The following SBNO1 variants were observed in gnomAD, a reference collection of about 807,000 sequenced individuals.
SBNO1 encodes protein strawberry notch homolog 1.
SBNO1 carries 23 observed loss-of-function variants against 173.6 expected under a neutral mutation model. That is an observed-to-expected ratio of 0.13 (90% CI 0.10 to 0.19). The LOEUF is 0.19. SBNO1 is among the 10% of genes least tolerant of loss of function. The pLI, the probability that SBNO1 is intolerant of heterozygous loss-of-function variation, is 1.00. For synonymous variants in SBNO1, 632 were observed against 571.5 expected, an observed-to-expected ratio of 1.11 and a Z score of -1.51; for missense variants, 1,238 against 1,671.2, an observed-to-expected ratio of 0.74 and a Z score of 4.52.
intron 3 of SBNO1, among the ~76,000 whole-genome samples, chr12:123,346,187 AG>A (rs1042483322): frequency 2.0e-5 from 3 of 152,202 alleles, no homozygotes; most frequent in Non-Finnish European, 4.4e-5. Context: ...AGGGTGACAC[AG>A]GAGGTTCACT....
intron 5 of SBNO1, among the ~76,000 whole-genome samples, chr12:123,339,231 A>G (rs764429753): frequency 1.4e-4 from 22 of 152,192 alleles, no homozygotes; most frequent in Non-Finnish European, 1.6e-4. Flanking sequence ...ACCAAGTCCC[A>G]AAATTCTTTT....
intron 3 of SBNO1, among the ~76,000 whole-genome samples, chr12:123,347,118 G>T (rs1415153802): frequency 6.6e-6 from 1 of 151,080 alleles, no homozygotes; most frequent in Non-Finnish European, 1.5e-5. Flanking sequence ...GAAATGTGTC[G>T]CAAAGTAGGA....
intron 30 of SBNO1, among the ~76,000 whole-genome samples, chr12:123,299,689 A>AAAAC (rs898264452): frequency 6.0e-5 from 9 of 150,646 alleles, no homozygotes; most frequent in Non-Finnish European, 1.3e-4. Flanking sequence ...TTCAAAAAAA[A>AAAAC]AAAAAAAAAA....
At chr12:123,364,068 G>C (rs531742991) in intron 1 of SBNO1, 1 of 985,354 alleles carries the variant, frequency 1.0e-6, no homozygotes, top group African/African-American at 1.7e-5. Context: ...TGGGAGGTGA[G>C]CTCGCCCGCC....
At position 123,291,397 on chromosome 12, in the gene SBNO1, G is replaced by A. The variant is rs2048508847; in HGVS notation, c.*4511C>T. 6.6e-6 allele frequency: 1 copy of A among 152,088 alleles called. No individual in the cohort carries two copies. Among genetic ancestry groups the A allele is most frequent in the African/African-American group, 2.4e-5 (1 of 41,412 alleles). The allele number at this position is 152,088 out of a possible 1,614,324, so 9.4% of individuals were successfully genotyped here. On this transcript the variant is annotated 3_prime_UTR_variant, in exon 32 of 32. Transcript: ENST00000602398. ...TCCCAAATGCACTGAAGAAGTTAGA[G>A]GAGCTTAAAGAAGTCTCAGGAAGCA...
intron 1 of SBNO1, among the ~76,000 whole-genome samples, chr12:123,356,499 G>A (rs575371714): frequency 2.6e-5 from 4 of 152,274 alleles, no homozygotes; most frequent in African/African-American, 9.6e-5. Context: ...GCAATGGCAC[G>A]ATCTCAGCTC....
At chr12:123,356,831 G>C (rs1398878459) in intron 1 of SBNO1, among the ~76,000 whole-genome samples, 1 of 152,168 alleles carries the variant, frequency 6.6e-6, no homozygotes, top group African/African-American at 2.4e-5. Context: ...ACTAAATTTA[G>C]AATAAACTGG....
chr12:123,338,937 T>C (rs1022873519), intron 5 of SBNO1, among the ~76,000 whole-genome samples: 2 of 125,200 alleles, frequency 1.6e-5, no homozygotes, highest in South Asian at 2.6e-4. Context: ...CCCGACTAGT[T>C]TGGTTGATGG....
intron 3 of SBNO1, among the ~76,000 whole-genome samples, chr12:123,347,284 C>A (rs920080064): frequency 6.8e-6 from 1 of 147,246 alleles, no homozygotes; most frequent in Non-Finnish European, 1.5e-5. Context: ...TGGAGTGCAG[C>A]GGTCCCATCT....
intron 30 of SBNO1, 60 bp from the exon 31 acceptor site, chr12:123,298,231 T>C (rs1180747698): frequency 6.8e-7 from 1 of 1,461,570 alleles, no homozygotes; most frequent in African/African-American, 1.4e-5. Context: ...GACACGTTTC[T>C]AAAAGATTTA....
intron 5 of SBNO1, among the ~76,000 whole-genome samples, chr12:123,336,993 G>C (rs1412172936): frequency 6.6e-6 from 1 of 152,118 alleles, no homozygotes; most frequent in East Asian, 1.9e-4. Flanking sequence ...ACTTCTATTT[G>C]CCTGCTTTCC....
Position 123,348,110 on chromosome 12 carries a change from T to C in SBNO1, c.156A>G (p.Glu52=), listed in dbSNP as rs752286244. 4 of 1,610,602 alleles carry C rather than the reference T, an allele frequency of 2.5e-6. No homozygotes were observed. Among genetic ancestry groups the C allele is most frequent in the African/African-American group, 2.7e-5 (2 of 74,840 alleles). Residue 52 remains glutamate, a synonymous_variant, in exon 3 of 32, where the codon GAA becomes GAG. Coordinates refer to ENST00000602398, the MANE Select transcript of SBNO1 (RefSeq NM_001167856.3). ...CTGCTGCTTCGGTCTCCAAACCTAG[T>C]TCTAATGCACTAAGTGGCACTGACT... The part of the protein sequence containing the change: ...VQQSVPLSAL[E]LGLETEAAVP...
Position 123,313,645 on chromosome 12 carries a change from TG to T in SBNO1, c.3194del (p.Pro1065GlnfsTer15). 1 of 1,598,086 alleles carries T rather than the reference TG, an allele frequency of 6.3e-7. No individual in the cohort carries two copies. The highest frequency in any genetic ancestry group is 1.1e-5 in the South Asian group (1 of 90,570). On this transcript the variant is annotated frameshift_variant, in exon 24 of 32. Coordinates refer to ENST00000602398, the MANE Select transcript of SBNO1 (RefSeq NM_001167856.3). LOFTEE classifies it high-confidence loss of function. The stretch of plus-strand genomic sequence containing the variant: ...CTTTAAAAAATTCTCCAGGATAGTC[TG>T]GAGGTGGTGATACCATAGGAGAATC... ...NLDSPMVSPP[P>X]DYPGEFFKDV...
chr12:123,302,238 G>GTTTTTTTTT (rs1222921851), intron 30 of SBNO1, among the ~76,000 whole-genome samples: 1 of 112,978 alleles, frequency 8.9e-6, no homozygotes. Flanking sequence ...TGGCCTTATT[G>GTTTTTTTTT]TTTTTTTTTT....
chr12:123,328,887 G>A lies in SBNO1; in HGVS notation c.1143C>T (p.Tyr381=), dbSNP rs115180838. The part of the protein sequence containing the change: ...ILVHSLNKFK[Y]GKISSKHNGS... ...CATTATGTTTGGAAGAAATTTTTCCGTATTTAAACTAAAAAAGAAAAGAAA... is the reference window on the plus strand; with the variant it reads ...CATTATGTTTGGAAGAAATTTTTCCATATTTAAACTAAAAAAGAAAAGAAA... The change falls in exon 10 of 32, where the codon TAC becomes TAT. Residue 381 remains tyrosine, a synonymous_variant. Coordinates refer to ENST00000602398, the MANE Select transcript of SBNO1 (RefSeq NM_001167856.3). 148 of 1,528,644 alleles carry A rather than the reference G, an allele frequency of 9.7e-5. No individual in the cohort carries two copies. The highest frequency in any genetic ancestry group is 1.2e-4 in the Non-Finnish European group (140 of 1,123,836). 94.7% of individuals were successfully genotyped at this position (1,528,644 alleles called of 1,614,324 possible). A position where few individuals can be genotyped will look rare whatever the true frequency, so the allele number is the denominator to read the frequency against.
At position 123,325,588 on chromosome 12, in the gene SBNO1, A is replaced by G; in HGVS notation, c.1887T>C (p.Ile629=). ...EEIKNGKCVV[I]GLQSTGEART... ...TAGCTTCTCCTGTAGACTGCAGACCAATTACAACACACTGGAGAAAAAAGA... is the reference window on the plus strand; with the variant it reads ...TAGCTTCTCCTGTAGACTGCAGACCGATTACAACACACTGGAGAAAAAAGA... Residue 629 remains isoleucine (I), a synonymous_variant, in exon 15 of 32, where the codon ATT becomes ATC. Coordinates refer to ENST00000602398, the MANE Select transcript of SBNO1 (RefSeq NM_001167856.3). The G allele has an allele frequency of 6.2e-7, 1 of 1,605,462 alleles. No individual in the cohort carries two copies. The highest frequency in any genetic ancestry group is 1.1e-5 in the South Asian group (1 of 90,560).
Position 123,313,723 on chromosome 12 carries a change from C to CAA in SBNO1, c.3121-6_3121-5dup. The CAA allele has an allele frequency of 2.0e-6, 3 of 1,532,844 alleles. No homozygotes were observed. The highest frequency in any genetic ancestry group is 2.7e-6 in the Non-Finnish European group (3 of 1,116,264). The allele number at this position is 1,532,844 out of a possible 1,614,324, so 95.0% of individuals were successfully genotyped here. A position where few individuals can be genotyped will look rare whatever the true frequency, so the allele number is the denominator to read the frequency against. On this transcript the variant is annotated splice_polypyrimidine_tract_variant and splice_region_variant and intron_variant, in intron 23 of 31. Coordinates refer to ENST00000602398, the MANE Select transcript of SBNO1 (RefSeq NM_001167856.3). ...TTTCTAAAGCATTTCTTCCATACTG[C>CAA]AAAAAAAAATCAAAACCTTTAACCA... is the stretch of plus-strand genomic sequence containing the variant.
chr12:123,311,031 C>A, intron 25 of SBNO1, 24 bp downstream of exon 25: 2 of 1,520,268 alleles, frequency 1.3e-6, no homozygotes, highest in South Asian at 1.1e-5. Context: ...CAGTTATATG[C>A]CCACACAAAG....
At position 123,319,889 on chromosome 12, in the gene SBNO1, G is replaced by T. The variant is rs1566033198; in HGVS notation, c.2799+11C>A. ...GTTCTTTTCACTGAGAAGCATCTCA[G>T]TAAAACATACCTTATCTCCATCCAT... On this transcript the variant is annotated intron_variant, in intron 20 of 31. Transcript: ENST00000602398. The T allele has an allele frequency of 6.2e-7, 1 of 1,612,774 alleles. No homozygotes were observed. The highest frequency in any genetic ancestry group is 8.5e-7 in the Non-Finnish European group (1 of 1,179,072).
Sources: allele counts gnomAD v4.1 joint callset (sites outside exome capture counted in the v4.1 genomes callset), GRCh38; gene constraint gnomAD v4.1.1; transcripts MANE v1.5; gene names NCBI Gene and HGNC (gene_info 2026-07-23, HGNC 2026-07-21).